The following SPINK1 variants were observed in gnomAD, a reference collection of about 807,000 sequenced individuals.
SPINK1 encodes serine peptidase inhibitor Kazal type 1.
Under a neutral mutation model 9.5 loss-of-function variants are expected in SPINK1, and 5 were observed. The observed-to-expected ratio is 0.52, with a 90% CI of 0.27 to 1.10. The LOEUF (loss-of-function observed/expected upper bound fraction) is 1.10. Ranked by LOEUF, SPINK1 falls within the 50% of genes least tolerant of loss-of-function variation. SPINK1 has a pLI of 0.11. For synonymous variants in SPINK1, 37 were observed against 32.3 expected (o/e 1.14, Z -0.49); for missense variants, 88 against 92.7 (o/e 0.95, Z 0.21).
chr5:147,837,541 A>C, the SPINK1 span, among the ~76,000 whole-genome samples: 1 of 152,096 alleles, frequency 6.6e-6, no homozygotes, highest in African/African-American at 2.4e-5. Context: ...CTCATGTCAA[A>C]TTTGGGATCA....
chr5:147,829,104 T>C (rs1170260593), intron 2 of SPINK1, among the ~76,000 whole-genome samples: 1 of 152,186 alleles, frequency 6.6e-6, no homozygotes, highest in Non-Finnish European at 1.5e-5. Flanking sequence ...CTTCCTCTGG[T>C]CTCCAAATTT....
upstream of SPINK1, among the ~76,000 whole-genome samples, chr5:147,832,288 T>C (rs76331007): frequency 4.5e-3 from 687 of 152,304 alleles, 8 homozygotes; most frequent in African/African-American, 0.016. Context: ...GGTTACTCTT[T>C]CATCTGAGAA....
At chr5:147,829,148 A>G (rs2127135253) in intron 2 of SPINK1, among the ~76,000 whole-genome samples, 1 of 152,294 alleles carries the variant, frequency 6.6e-6, no homozygotes, top group East Asian at 1.9e-4. Context: ...AAAATATGAA[A>G]AGGTTAGAGT....
intron 3 of SPINK1, among the ~76,000 whole-genome samples, chr5:147,826,386 G>GA (rs931267788): frequency 2.0e-5 from 3 of 152,162 alleles, no homozygotes; most frequent in African/African-American, 7.2e-5. Flanking sequence ...AGAAATATAG[G>GA]AAGAGAGGTC....
the SPINK1 span, among the ~76,000 whole-genome samples, chr5:147,839,194 A>G: frequency 6.6e-6 from 1 of 152,200 alleles, no homozygotes. Flanking sequence ...AAGGAGAAGT[A>G]TTGAGCAAAA....
At chr5:147,834,809 A>G (rs1756568141), upstream of SPINK1, among the ~76,000 whole-genome samples, 1 of 152,100 alleles carries the variant, frequency 6.6e-6, no homozygotes, top group Non-Finnish European at 1.5e-5. Context: ...TGTGAACCTA[A>G]AGTAAAAATT....
rs372279808 is a variant in SPINK1, at chr5:147,824,628, C to T, written c.*33G>A. ...CAACAATAAGGCCAGTCAGGCCTCG[C>T]GGTGACCTGATGGGATTTCAAAACC... On this transcript the variant is annotated 3_prime_UTR_variant, in exon 4 of 4. Coordinates refer to ENST00000296695, the MANE Select transcript of SPINK1 (RefSeq NM_001379610.1). 2.1e-5 allele frequency: 33 copies of T among 1,607,518 alleles called. No homozygotes were observed. The African/African-American group carries it at 2.9e-4, about 14-fold the overall frequency.
intron 1 of SPINK1, among the ~76,000 whole-genome samples, chr5:147,830,213 T>A (rs980610314): frequency 3.9e-5 from 6 of 152,232 alleles, no homozygotes; most frequent in African/African-American, 9.6e-5. Flanking sequence ...CCCAAAGAGC[T>A]ATTTCCAACA....
upstream of SPINK1, among the ~76,000 whole-genome samples, chr5:147,834,775 A>G (rs1756567065): frequency 1.3e-5 from 2 of 152,124 alleles, no homozygotes; most frequent in Admixed American, 1.3e-4. Flanking sequence ...TTTTCACCAA[A>G]CAGTGCTTTT....
intron 3 of SPINK1, chr5:147,827,541 G>A: frequency 6.2e-6 from 1 of 160,942 alleles, no homozygotes; most frequent in Non-Finnish European, 1.4e-5. Context: ...GACATGCTAA[G>A]GTTTCAGTTG....
intron 2 of SPINK1, among the ~76,000 whole-genome samples, chr5:147,828,552 TC>T (rs1202287736): frequency 6.6e-6 from 1 of 152,194 alleles, no homozygotes; most frequent in Non-Finnish European, 1.5e-5. Flanking sequence ...ACACTGGTCT[TC>T]TATTAGGCAC....
At chr5:147,825,419 C>CTT (rs1177435534) in intron 3 of SPINK1, among the ~76,000 whole-genome samples, 4 of 146,314 alleles carry the variant, frequency 2.7e-5, no homozygotes, top group African/African-American at 1.0e-4. Context: ...ACTTTTTTTT[C>CTT]TTTTTTTTTT....
upstream of SPINK1, among the ~76,000 whole-genome samples, chr5:147,833,527 C>T (rs1312163215): frequency 6.6e-6 from 1 of 152,244 alleles, no homozygotes; most frequent in Non-Finnish European, 1.5e-5. Flanking sequence ...TTCCCTTTCC[C>T]CTTTCTATGC....
At chr5:147,835,713 G>A (rs1316504399), upstream of SPINK1, among the ~76,000 whole-genome samples, 1 of 152,052 alleles carries the variant, frequency 6.6e-6, no homozygotes, top group East Asian at 1.9e-4. Flanking sequence ...GGGATATTGG[G>A]CTGGCACCTG....
chr5:147,835,825 G>A (rs944607751), upstream of SPINK1, among the ~76,000 whole-genome samples: 2 of 152,066 alleles, frequency 1.3e-5, no homozygotes, highest in Non-Finnish European at 1.5e-5. Flanking sequence ...TTGACATTTG[G>A]AGACCTCCTT....
chr5:147,831,432 A>G, intron 1 of SPINK1, 91 bp downstream of exon 1: 2 of 1,518,782 alleles, frequency 1.3e-6, no homozygotes, highest in Non-Finnish European at 1.8e-6. Context: ...CTCGAAGACT[A>G]GACTACATCA....
the SPINK1 span, among the ~76,000 whole-genome samples, chr5:147,839,031 C>G: frequency 6.6e-6 from 1 of 152,148 alleles, no homozygotes; most frequent in Non-Finnish European, 1.5e-5. Flanking sequence ...AGTCTGCTCT[C>G]ATACTGCTAA....
rs1756437170 is a variant in SPINK1, at chr5:147,827,889, A to C, written c.194+133T>G. ...TAATGCTAAATATATAAAAGGGAGA[A>C]TAAGAAAGAGATAACTGTTTTTGGA... On this transcript the variant is annotated intron_variant, in intron 3 of 3. Coordinates refer to ENST00000296695, the MANE Select transcript of SPINK1 (RefSeq NM_001379610.1). The C allele has an allele frequency of 9.2e-6, 6 of 653,336 alleles. No individual in the cohort carries two copies. The East Asian group carries it at 1.7e-4, about 18-fold the overall frequency. 40.5% of individuals were successfully genotyped at this position (653,336 alleles called of 1,614,324 possible). A position where few individuals can be genotyped will look rare whatever the true frequency, so the allele number is the denominator to read the frequency against.
intron 2 of SPINK1, 128 bp downstream of exon 2, chr5:147,829,471 G>T (rs11960240): frequency 2.5e-5 from 21 of 856,396 alleles, no homozygotes; most frequent in African/African-American, 2.2e-4. Context: ...CATTTCTCAC[G>T]TTAACCCTCC....
Sources: gnomAD v4.1 joint callset for allele counts (sites outside exome capture counted in the v4.1 genomes callset) on GRCh38, gnomAD v4.1.1 for gene constraint, MANE v1.5 for transcripts, NCBI Gene and HGNC (gene_info 2026-07-23, HGNC 2026-07-21) for gene names.